PGS1: variants seen among roughly 807,000 people sequenced by gnomAD.
The protein encoded by PGS1 is CDP-diacylglycerol--glycerol-3-phosphate 3-phosphatidyltransferase, mitochondrial.
PGS1 carries 44 observed loss-of-function variants against 58.3 expected under a neutral mutation model. The observed-to-expected ratio is 0.75, with a 90% CI of 0.59 to 0.97. The LOEUF (loss-of-function observed/expected upper bound fraction) is 0.97, where lower values mean the gene tolerates loss of function less well. Ranked by LOEUF, PGS1 falls within the 50% of genes least tolerant of loss-of-function variation. PGS1 has a pLI of 0.00. For missense variants in PGS1, 684 were observed against 731.1 expected, an observed-to-expected ratio of 0.94 and a Z score of 0.74; for synonymous variants, 330 against 311.0, an observed-to-expected ratio of 1.06 and a Z score of -0.64.
intron 1 of PGS1, among the ~76,000 whole-genome samples, chr17:78,386,929 G>T (rs1196574453): frequency 6.6e-6 from 1 of 152,056 alleles, no homozygotes; most frequent in African/African-American, 2.4e-5. Flanking sequence ...CCTGGCTGAT[G>T]TGTTGCAGTT....
chr17:78,399,589 G>A, intron 5 of PGS1, 52 bp downstream of exon 5: 1 of 1,576,396 alleles, frequency 6.3e-7, no homozygotes, highest in Non-Finnish European at 8.7e-7. Flanking sequence ...GCAGGCTGGA[G>A]GGCAGTGGAA....
intron 7 of PGS1, among the ~76,000 whole-genome samples, chr17:78,410,640 G>T (rs1197178143): frequency 7.9e-5 from 12 of 151,602 alleles, no homozygotes; most frequent in Admixed American, 2.0e-4. Flanking sequence ...TGCCCAGCTA[G>T]TTTTTGTATT....
chr17:78,408,501 G>A (rs2084348763), intron 7 of PGS1, among the ~76,000 whole-genome samples: 1 of 152,214 alleles, frequency 6.6e-6, no homozygotes. Context: ...TCCTAGGCCA[G>A]GTGAGGCACC....
chr17:78,406,038 CAGGCG>C (rs2084110703), intron 7 of PGS1, among the ~76,000 whole-genome samples: 3 of 147,320 alleles, frequency 2.0e-5, no homozygotes, highest in Admixed American at 2.0e-4. Context: ...TGAAGCCGGC[CAGGCG>C]CGGTGGCTCA....
intron 1 of PGS1, among the ~76,000 whole-genome samples, chr17:78,379,659 A>T (rs2081895253): frequency 6.6e-6 from 1 of 151,874 alleles, no homozygotes; most frequent in Non-Finnish European, 1.5e-5. Flanking sequence ...AACCGTCTCT[A>T]CTAAAAATAC....
chr17:78,391,359 C>T (rs879775687), intron 1 of PGS1, among the ~76,000 whole-genome samples: 1 of 152,184 alleles, frequency 6.6e-6, no homozygotes, highest in Non-Finnish European at 1.5e-5. Flanking sequence ...GCTGTGCCAC[C>T]CAGGCTGGAA....
At chr17:78,397,805 A>G (rs1416472137) in intron 3 of PGS1, among the ~76,000 whole-genome samples, 2 of 152,224 alleles carry the variant, frequency 1.3e-5, no homozygotes, top group Non-Finnish European at 1.5e-5. Flanking sequence ...TGGGAGAAGA[A>G]TGGAATGTCC....
intron 7 of PGS1, among the ~76,000 whole-genome samples, 189 bp from the exon 8 acceptor site, chr17:78,414,690 G>C (rs946377843): frequency 2.0e-5 from 3 of 152,176 alleles, no homozygotes; most frequent in Admixed American, 6.5e-5. Context: ...CTGGGTCCCT[G>C]CTTCCTGCCG....
chr17:78,410,407 TGACAA>T (rs2084544824), intron 7 of PGS1, among the ~76,000 whole-genome samples: 1 of 145,034 alleles, frequency 6.9e-6, no homozygotes, highest in Non-Finnish European at 1.5e-5. Flanking sequence ...CCAGCCTGGG[TGACAA>T]GACGAAACTC....
chr17:78,380,493 G>A (rs2081965062), intron 1 of PGS1, among the ~76,000 whole-genome samples: 1 of 152,222 alleles, frequency 6.6e-6, no homozygotes, highest in South Asian at 2.1e-4. Flanking sequence ...GTTTCACGTT[G>A]GTGAACCCAG....
chr17:78,391,106 AT>A (rs2082793103), intron 1 of PGS1, among the ~76,000 whole-genome samples: 2 of 152,004 alleles, frequency 1.3e-5, no homozygotes, highest in Non-Finnish European at 2.9e-5. Flanking sequence ...TGCCCGGCTA[AT>A]TTTTTTGTAT....
intron 7 of PGS1, among the ~76,000 whole-genome samples, chr17:78,405,276 G>A (rs977955114): frequency 3.3e-5 from 5 of 152,230 alleles, no homozygotes; most frequent in African/African-American, 7.2e-5. Flanking sequence ...GATTACAGGC[G>A]TGAGCCACTG....
chr17:78,410,206 T>A (rs1345694830), intron 7 of PGS1, among the ~76,000 whole-genome samples: 1 of 152,100 alleles, frequency 6.6e-6, no homozygotes, highest in Admixed American at 6.5e-5. Context: ...GGCGGGTGGA[T>A]CACCTGAGGT....
chr17:78,403,744 C>T lies in PGS1; in HGVS notation c.1057C>T (p.Pro353Ser). 2 of 1,614,162 alleles carry T rather than the reference C, an allele frequency of 1.2e-6. No individual in the cohort carries two copies. The highest frequency in any genetic ancestry group is 1.7e-6 in the Non-Finnish European group (2 of 1,180,024). ...ACCAGCCCCTGACACCTGGATTTAT[C>T]CGCTGATTCAGATGAAGCCCTTCGA... is the stretch of plus-strand genomic sequence containing the variant. ...RRPAPDTWIY[P>S]LIQMKPFEIQ... The change falls in exon 7 of 10, where the codon CCG becomes TCG. Residue 353 changes from proline to serine, a missense_variant. By Grantham distance (74) the Pro-to-Ser change is moderately conservative. Transcript: ENST00000262764.
At chr17:78,404,592 T>G (rs2083965854) in intron 7 of PGS1, among the ~76,000 whole-genome samples, 1 of 152,120 alleles carries the variant, frequency 6.6e-6, no homozygotes, top group Non-Finnish European at 1.5e-5. Flanking sequence ...TCAAAGACTG[T>G]ATATGGTCAC....
chr17:78,416,680 T>C (rs2146325756), intron 8 of PGS1, among the ~76,000 whole-genome samples: 1 of 152,354 alleles, frequency 6.6e-6, no homozygotes, highest in African/African-American at 2.4e-5. Context: ...GGCTTTTGCC[T>C]GTGGGAGGGT....
chr17:78,391,367 G>A (rs1321699984), intron 1 of PGS1, among the ~76,000 whole-genome samples: 1 of 152,140 alleles, frequency 6.6e-6, no homozygotes, highest in Non-Finnish European at 1.5e-5. Context: ...ACCCAGGCTG[G>A]AATGCAATGG....
Position 78,400,813 on chromosome 17 carries a change from G to C in PGS1, c.838G>C (p.Asp280His). ...TGTGTCCCTGCAGCTGCAGGGGGAC[G>C]ACACGGTGCAGGTGGTGGATGGGAT... is the stretch of plus-strand genomic sequence containing the variant. ...GDVSLQLQGDDTVQVVDGMVH... is the reference protein window; with the variant it reads ...GDVSLQLQGDHTVQVVDGMVH... Residue 280 changes from aspartate (D) to histidine (H), a missense_variant, in exon 6 of 10, where the codon GAC becomes CAC. Physicochemically the swap from Asp to His is moderately conservative, Grantham distance 81 (BLOSUM62 -1). Coordinates refer to ENST00000262764, the MANE Select transcript of PGS1 (RefSeq NM_024419.5). This position sits in a 1 kb window ranked among gnomAD's most constrained non-coding sequence, Gnocchi z 4.4. 1 of 1,613,036 alleles carries C rather than the reference G, an allele frequency of 6.2e-7. No homozygotes were observed. The highest frequency in any genetic ancestry group is 8.5e-7 in the Non-Finnish European group (1 of 1,179,402).
At chr17:78,398,003 G>C (rs941955173) in intron 3 of PGS1, 24 of 581,826 alleles carry the variant, frequency 4.1e-5, no homozygotes, top group Non-Finnish European at 7.4e-5. Flanking sequence ...CAGGCAGCAC[G>C]CCTCTGCCTG....
Sources: gnomAD v4.1 joint callset for allele counts (sites outside exome capture counted in the v4.1 genomes callset) on GRCh38, gnomAD v4.1.1 for gene constraint, Gnocchi (gnomAD v3.1) non-coding constraint, MANE v1.5 for transcripts, NCBI Gene and HGNC (gene_info 2026-07-23, HGNC 2026-07-21) for gene names.